The following LDB2 variants were observed in gnomAD, a reference collection of about 807,000 sequenced individuals.
The protein encoded by LDB2 is LIM domain binding 2.
A neutral mutation model predicts 44.3 loss-of-function variants in LDB2; 12 were observed. That is an observed-to-expected ratio of 0.27 (90% CI 0.17 to 0.44). The LOEUF (loss-of-function observed/expected upper bound fraction) is 0.44, where lower values mean the gene tolerates loss of function less well. LDB2 is among the 20% of genes least tolerant of loss of function. The pLI is 1.00. For missense variants in LDB2, 344 were observed against 473.5 expected, an observed-to-expected ratio of 0.73 and a Z score of 2.54; for synonymous variants, 164 against 174.8, an observed-to-expected ratio of 0.94 and a Z score of 0.49.
At chr4:16,541,138 T>G (rs987453178) in intron 5 of LDB2, among the ~76,000 whole-genome samples, 4 of 152,124 alleles carry the variant, frequency 2.6e-5, no homozygotes, top group Non-Finnish European at 5.9e-5. Flanking sequence ...TGGATATATG[T>G]CCCCACCAAA....
intron 2 of LDB2, among the ~76,000 whole-genome samples, chr4:16,711,734 G>A (rs188011392): frequency 1.2e-4 from 19 of 152,228 alleles, no homozygotes; most frequent in Admixed American, 5.9e-4. Context: ...TCCAACATAA[G>A]GATAGACATA....
At chr4:16,719,731 T>C (rs989783773) in intron 2 of LDB2, among the ~76,000 whole-genome samples, 8 of 152,162 alleles carry the variant, frequency 5.3e-5, no homozygotes, top group African/African-American at 1.9e-4. Flanking sequence ...TATAAGTGTC[T>C]GACCCAGAGT....
intron 1 of LDB2, among the ~76,000 whole-genome samples, chr4:16,829,047 A>G (rs1783577220): frequency 6.6e-6 from 1 of 152,182 alleles, no homozygotes; most frequent in Non-Finnish European, 1.5e-5. Context: ...GAGAGCACTT[A>G]CATGCCCTAC....
chr4:16,718,722 G>C (rs561656920), intron 2 of LDB2, among the ~76,000 whole-genome samples: 5 of 152,198 alleles, frequency 3.3e-5, no homozygotes, highest in Middle Eastern at 6.8e-3. Context: ...ACGAAATATT[G>C]TATCAAATAA....
At chr4:16,682,390 C>G (rs1365891336) in intron 2 of LDB2, among the ~76,000 whole-genome samples, 2 of 152,212 alleles carry the variant, frequency 1.3e-5, no homozygotes, top group Non-Finnish European at 2.9e-5. Context: ...CGTCAGCTGG[C>G]TCCTCCCTCA....
chr4:16,748,465 T>C (rs1764806862), intron 2 of LDB2, among the ~76,000 whole-genome samples: 1 of 152,228 alleles, frequency 6.6e-6, no homozygotes, highest in African/African-American at 2.4e-5. Flanking sequence ...CATACCCTGA[T>C]GGGTAATTTT....
chr4:16,521,707 G>T (rs1046868782), intron 5 of LDB2, among the ~76,000 whole-genome samples: 2 of 152,150 alleles, frequency 1.3e-5, no homozygotes, highest in Non-Finnish European at 2.9e-5. Context: ...TTCTGCCTTT[G>T]TTCTTCTAGC....
intron 1 of LDB2, among the ~76,000 whole-genome samples, chr4:16,823,071 G>A (rs1334366915): frequency 1.3e-5 from 2 of 152,160 alleles, no homozygotes; most frequent in South Asian, 2.1e-4. Flanking sequence ...CTCCTGCCAG[G>A]ATTCACAGCA....
chr4:16,789,011 C>A (rs1775123618), intron 1 of LDB2, among the ~76,000 whole-genome samples: 1 of 152,080 alleles, frequency 6.6e-6, no homozygotes, highest in South Asian at 2.1e-4. Flanking sequence ...CTAGCAGCAG[C>A]AGTAGCAGCA....
At chr4:16,524,035 C>T (rs988528510) in intron 5 of LDB2, among the ~76,000 whole-genome samples, 2 of 152,088 alleles carry the variant, frequency 1.3e-5, no homozygotes, top group African/African-American at 4.8e-5. Flanking sequence ...TTCAAGTTAC[C>T]AAGCAATAGG....
intron 2 of LDB2, among the ~76,000 whole-genome samples, chr4:16,714,923 G>A (rs958928384): frequency 4.5e-4 from 69 of 152,218 alleles, no homozygotes; most frequent in African/African-American, 1.4e-3. Context: ...TTAAATCCAG[G>A]ATGATCTCAT....
intron 2 of LDB2, among the ~76,000 whole-genome samples, chr4:16,701,043 C>G (rs1753322605): frequency 6.6e-6 from 1 of 152,054 alleles, no homozygotes; most frequent in Non-Finnish European, 1.5e-5. Flanking sequence ...GCTGAAGAAC[C>G]CTGAAGCACA....
chr4:16,789,756 C>A (rs144173275), intron 1 of LDB2, among the ~76,000 whole-genome samples: 1,568 of 152,160 alleles, frequency 0.01, 26 homozygotes, highest in African/African-American at 0.034. Flanking sequence ...ATGGTGAAAC[C>A]CCATCTGTAC....
chr4:16,864,938 C>A (rs9684423), intron 1 of LDB2, among the ~76,000 whole-genome samples: 88,730 of 151,568 alleles, frequency 0.59, 26,247 homozygotes, highest in East Asian at 0.85. Context: ...AAGAAAAGAA[C>A]AAAAATAGTC....
chr4:16,854,589 A>T (rs949335842), intron 1 of LDB2, among the ~76,000 whole-genome samples: 1 of 151,494 alleles, frequency 6.6e-6, no homozygotes, highest in Non-Finnish European at 1.5e-5. Context: ...AATAATGTAG[A>T]GTATATTACT....
At chr4:16,857,146 C>A (rs1307821346) in intron 1 of LDB2, among the ~76,000 whole-genome samples, 1 of 152,126 alleles carries the variant, frequency 6.6e-6, no homozygotes, top group Non-Finnish European at 1.5e-5. Context: ...GAGTTTATGT[C>A]CTCAATGATA....
intron 1 of LDB2, among the ~76,000 whole-genome samples, chr4:16,782,148 C>A (rs1172412481): frequency 6.6e-6 from 1 of 152,176 alleles, no homozygotes; most frequent in Admixed American, 6.5e-5. Flanking sequence ...GGTATCATTA[C>A]CATGTCAAGC....
At chr4:16,574,274 T>G (rs1169151121) in intron 5 of LDB2, among the ~76,000 whole-genome samples, 1 of 152,132 alleles carries the variant, frequency 6.6e-6, no homozygotes, top group Non-Finnish European at 1.5e-5. Context: ...TACTTAACAA[T>G]AACAACAACA....
intron 2 of LDB2, among the ~76,000 whole-genome samples, chr4:16,606,127 T>G (rs1723867802): frequency 6.6e-6 from 1 of 152,210 alleles, no homozygotes; most frequent in South Asian, 2.1e-4. Flanking sequence ...TTTCATTGTA[T>G]TTTGTGTTTA....
Sources: allele counts gnomAD v4.1 joint callset (sites outside exome capture counted in the v4.1 genomes callset), GRCh38; gene constraint gnomAD v4.1.1; transcripts MANE v1.5; gene names NCBI Gene and HGNC (gene_info 2026-07-23, HGNC 2026-07-21).